The following PCDH9 variants were observed in gnomAD, a reference collection of about 807,000 sequenced individuals.
The protein encoded by PCDH9 is protocadherin 9.
Under a neutral mutation model 70.6 loss-of-function variants are expected in PCDH9, and 24 were observed. That is an observed-to-expected ratio of 0.34 (90% CI 0.25 to 0.48). The LOEUF (loss-of-function observed/expected upper bound fraction) is 0.48. Ranked by LOEUF, PCDH9 falls within the 20% of genes least tolerant of loss-of-function variation. The pLI, the probability that PCDH9 is intolerant of heterozygous loss-of-function variation, is 0.99. For missense variants in PCDH9, 1,281 were observed against 1,503.6 expected, an observed-to-expected ratio of 0.85 and a Z score of 2.45; for synonymous variants, 562 against 558.5, an observed-to-expected ratio of 1.01 and a Z score of -0.09.
chr13:66,515,439 C>A (rs757347537), intron 4 of PCDH9, among the ~76,000 whole-genome samples: 1 of 151,540 alleles, frequency 6.6e-6, no homozygotes. Context: ...ATAAAAGTTC[C>A]ACGGATAAAA....
At chr13:67,157,977 G>T (rs2087857443) in intron 2 of PCDH9, among the ~76,000 whole-genome samples, 1 of 152,136 alleles carries the variant, frequency 6.6e-6, no homozygotes, top group East Asian at 1.9e-4. Flanking sequence ...AAGCATCTGT[G>T]GTGAGTTTAG....
chr13:67,014,255 T>C (rs1393503427), intron 2 of PCDH9, among the ~76,000 whole-genome samples: 1 of 152,142 alleles, frequency 6.6e-6, no homozygotes, highest in Non-Finnish European at 1.5e-5. Flanking sequence ...TTGTCTTATA[T>C]TGATGCCCTT....
At chr13:67,194,288 CATT>C (rs1397124934) in intron 2 of PCDH9, among the ~76,000 whole-genome samples, 6 of 152,088 alleles carry the variant, frequency 3.9e-5, no homozygotes, top group Non-Finnish European at 8.8e-5. Context: ...CTCATAAAAT[CATT>C]GTCTCCAAAT....
chr13:66,662,041 ATG>A (rs60088223), intron 3 of PCDH9, among the ~76,000 whole-genome samples: 83,246 of 150,090 alleles, frequency 0.55, 23,028 homozygotes, highest in Middle Eastern at 0.62. Context: ...CTTTGTGAGT[ATG>A]TGTGTGTGTG....
At chr13:66,786,844 G>T (rs1302605291) in intron 3 of PCDH9, among the ~76,000 whole-genome samples, 2 of 152,152 alleles carry the variant, frequency 1.3e-5, no homozygotes, top group Admixed American at 6.5e-5. Context: ...TCAAGGAAAA[G>T]AAAGGAGATA....
At chr13:67,170,713 C>T (rs1055208409) in intron 2 of PCDH9, among the ~76,000 whole-genome samples, 3 of 152,046 alleles carry the variant, frequency 2.0e-5, no homozygotes, top group Non-Finnish European at 4.4e-5. Flanking sequence ...ATGCTTGAAG[C>T]CAAGACTTCA....
intron 4 of PCDH9, among the ~76,000 whole-genome samples, chr13:66,437,231 C>A (rs1359203299): frequency 1.3e-5 from 2 of 151,320 alleles, no homozygotes; most frequent in Non-Finnish European, 2.9e-5. Context: ...CACGGTGAAA[C>A]CCCGTCTCTA....
chr13:66,520,465 C>T (rs1010587039), intron 4 of PCDH9, among the ~76,000 whole-genome samples: 1 of 152,190 alleles, frequency 6.6e-6, no homozygotes, highest in Non-Finnish European at 1.5e-5. Context: ...CATTTTCCTG[C>T]AGTAGTTCTG....
intron 4 of PCDH9, among the ~76,000 whole-genome samples, chr13:66,498,227 C>T: frequency 6.7e-6 from 1 of 149,592 alleles, no homozygotes; most frequent in South Asian, 2.1e-4. Context: ...CACTTGAAAG[C>T]TCCACTTCCC....
chr13:66,426,142 G>A (rs1957665340), intron 4 of PCDH9, among the ~76,000 whole-genome samples: 1 of 151,342 alleles, frequency 6.6e-6, no homozygotes, highest in East Asian at 1.9e-4. Flanking sequence ...TTATCAAATA[G>A]GCCAAATGGA....
intron 3 of PCDH9, among the ~76,000 whole-genome samples, chr13:66,683,181 G>A (rs1389752364): frequency 6.6e-6 from 1 of 152,090 alleles, no homozygotes; most frequent in East Asian, 1.9e-4. Flanking sequence ...AAAGTTAAAA[G>A]ACTCTTCCCA....
intron 2 of PCDH9, among the ~76,000 whole-genome samples, chr13:66,980,981 C>T (rs185020797): frequency 3.3e-5 from 5 of 152,036 alleles, no homozygotes; most frequent in South Asian, 2.1e-4. Flanking sequence ...AGCCTTTGTG[C>T]AATGCTTATT....
At chr13:66,783,169 T>C (rs2080026562) in intron 3 of PCDH9, among the ~76,000 whole-genome samples, 2 of 152,110 alleles carry the variant, frequency 1.3e-5, no homozygotes, top group African/African-American at 4.8e-5. Context: ...CCTCTCAGCT[T>C]TGGCCATTAC....
intron 2 of PCDH9, among the ~76,000 whole-genome samples, chr13:67,144,364 T>A (rs932289659): frequency 1.5e-4 from 23 of 152,184 alleles, no homozygotes; most frequent in African/African-American, 5.5e-4. Context: ...TTAATAGTGA[T>A]CATGTAAGAA....
In PCDH9 at chr13:67,065,093, C is replaced by T. The variant is rs1056022770; in HGVS notation, c.3036+160312G>A. Among the ~76,000 whole-genome samples, 5 of 152,068 alleles carry T rather than the reference C, an allele frequency of 3.3e-5. No homozygotes were observed. The South Asian group carries it at 1.0e-3, about 31-fold the overall frequency. On this transcript the variant is annotated intron_variant, in intron 2 of 4. Coordinates refer to ENST00000377865, the MANE Select transcript of PCDH9 (RefSeq NM_203487.3). ...GACATTGGATCTTAGGATTACTTCT[C>T]ACATAAAACTCAGAGGATTTGGTAT...
At chr13:66,969,212 C>T (rs534680685) in intron 2 of PCDH9, among the ~76,000 whole-genome samples, 9 of 151,970 alleles carry the variant, frequency 5.9e-5, no homozygotes, top group South Asian at 2.1e-4. Context: ...ACATTTGCAA[C>T]GCACCTAATT....
chr13:66,309,221 C>T (rs1018363387), intron 4 of PCDH9, among the ~76,000 whole-genome samples: 1 of 151,830 alleles, frequency 6.6e-6, no homozygotes, highest in Non-Finnish European at 1.5e-5. Context: ...AAACAAAAGC[C>T]CAGTGAGTTT....
At chr13:66,506,110 AT>A (rs1959210888) in intron 4 of PCDH9, among the ~76,000 whole-genome samples, 1 of 152,150 alleles carries the variant, frequency 6.6e-6, no homozygotes, top group Admixed American at 6.5e-5. Flanking sequence ...AGACTATGTG[AT>A]TCTAGAGGAA....
intron 4 of PCDH9, among the ~76,000 whole-genome samples, chr13:66,520,996 A>C (rs1959964221): frequency 6.6e-6 from 1 of 152,140 alleles, no homozygotes; most frequent in Non-Finnish European, 1.5e-5. Flanking sequence ...ATTAATGTTT[A>C]GTATTAAACA....
Sources: gnomAD v4.1 joint callset for allele counts (sites outside exome capture counted in the v4.1 genomes callset) on GRCh38, gnomAD v4.1.1 for gene constraint, MANE v1.5 for transcripts, NCBI Gene and HGNC (gene_info 2026-07-23, HGNC 2026-07-21) for gene names.